The following NR2F1-AS1 variants were observed in gnomAD, a reference collection of about 807,000 sequenced individuals.
NR2F1-AS1 encodes the protein NR2F1 antisense RNA 1.
intron 4 of NR2F1-AS1, among the ~76,000 whole-genome samples, chr5:93,506,393 C>T (rs746644147): frequency 5.9e-5 from 9 of 152,198 alleles, no homozygotes; most frequent in Non-Finnish European, 1.2e-4. Context: ...TTTCCAAAGT[C>T]GCTTCCACAT....
chr5:93,510,343 A>G (rs1347571770), intron 4 of NR2F1-AS1, among the ~76,000 whole-genome samples: 1 of 152,132 alleles, frequency 6.6e-6, no homozygotes, highest in Admixed American at 6.5e-5. Flanking sequence ...TGCATATGTA[A>G]TAAGTTATTT....
chr5:93,464,699 T>C (rs1369544433), intron 4 of NR2F1-AS1, among the ~76,000 whole-genome samples: 3 of 152,206 alleles, frequency 2.0e-5, no homozygotes, highest in East Asian at 1.9e-4. Context: ...CAGGTTTTTT[T>C]CTCCTGAAAA....
chr5:93,431,351 T>A (rs1749317955), intron 4 of NR2F1-AS1, among the ~76,000 whole-genome samples: 1 of 152,172 alleles, frequency 6.6e-6, no homozygotes, highest in Admixed American at 6.5e-5. Flanking sequence ...TATATCTTAG[T>A]CACAGACACA....
chr5:93,518,448 AC>A (rs1404414549), intron 4 of NR2F1-AS1, among the ~76,000 whole-genome samples: 2 of 152,024 alleles, frequency 1.3e-5, no homozygotes, highest in Non-Finnish European at 2.9e-5. Context: ...TCTTTCAATA[AC>A]CCTTTCAGGG....
chr5:93,427,622 T>C (rs1411256443), intron 4 of NR2F1-AS1, among the ~76,000 whole-genome samples: 1 of 152,166 alleles, frequency 6.6e-6, no homozygotes, highest in Non-Finnish European at 1.5e-5. Flanking sequence ...TAATTGTTAA[T>C]TCATGGCTGA....
chr5:93,518,345 T>C (rs1019662742), intron 4 of NR2F1-AS1, among the ~76,000 whole-genome samples: 1 of 152,124 alleles, frequency 6.6e-6, no homozygotes, highest in Non-Finnish European at 1.5e-5. Context: ...GGTCTTACAA[T>C]TGGTAGTGTA....
intron 4 of NR2F1-AS1, among the ~76,000 whole-genome samples, chr5:93,509,222 G>C (rs1049287306): frequency 6.6e-6 from 1 of 152,024 alleles, no homozygotes; most frequent in Non-Finnish European, 1.5e-5. Context: ...ACAAGCTCCA[G>C]AATGTGTACA....
chr5:93,489,242 A>T (rs192796298), intron 4 of NR2F1-AS1, among the ~76,000 whole-genome samples: 3,840 of 143,056 alleles, frequency 0.027, 78 homozygotes, highest in South Asian at 0.058. Context: ...AGTATAATTT[A>T]AAAAAAAAAA....
chr5:93,581,728 CTCT>C (rs1753054242), upstream of NR2F1-AS1, among the ~76,000 whole-genome samples: 1 of 60,462 alleles, frequency 1.7e-5, no homozygotes, highest in African/African-American at 9.7e-5. Context: ...CTCTCTCTCT[CTCT>C]CTCCCCCTCT....
chr5:93,439,612 T>A (rs1302717609), intron 4 of NR2F1-AS1, among the ~76,000 whole-genome samples: 2 of 152,170 alleles, frequency 1.3e-5, no homozygotes, highest in East Asian at 3.9e-4. Context: ...TCTTTTAAAA[T>A]GTCTGATGTT....
intron 4 of NR2F1-AS1, among the ~76,000 whole-genome samples, chr5:93,524,793 A>G (rs1015196517): frequency 2.6e-5 from 4 of 152,188 alleles, no homozygotes; most frequent in Admixed American, 2.0e-4. Flanking sequence ...AATCCTTTAC[A>G]GACAAGCAAA....
At chr5:93,461,071 A>C (rs974982082) in intron 4 of NR2F1-AS1, among the ~76,000 whole-genome samples, 1 of 152,226 alleles carries the variant, frequency 6.6e-6, no homozygotes, top group Non-Finnish European at 1.5e-5. Flanking sequence ...TAGCAAAGAC[A>C]TGCAATCAAC....
At position 93,429,791 on chromosome 5, in the gene NR2F1-AS1, T is replaced by C. The variant is rs73133219; in HGVS notation, n.639-34249A>G. On this transcript the variant is annotated intron_variant and non_coding_transcript_variant, in intron 4 of 5. Coordinates refer to ENST00000660523, the Ensembl canonical transcript of NR2F1-AS1. ...TTTCAACCCTATTCATTCTGGGAAT[T>C]TTCTATCATCTCTGTTCCATTTGGA... Among the ~76,000 whole-genome samples the C allele has an allele frequency of 2.1e-3, 317 of 152,284 alleles. 2 individuals carry two copies. The highest frequency in any genetic ancestry group is 7.1e-3 in the African/African-American group (295 of 41,564).
intron 4 of NR2F1-AS1, chr5:93,410,975 ATTTTG>A (rs1160258113): frequency 6.6e-6 from 1 of 152,044 alleles, no homozygotes; most frequent in Non-Finnish European, 1.5e-5. Flanking sequence ...GTTTTTTTGG[ATTTTG>A]TTTTGTTTTT....
At chr5:93,566,710 C>T (rs1337733968) in intron 1 of NR2F1-AS1, among the ~76,000 whole-genome samples, 3 of 151,866 alleles carry the variant, frequency 2.0e-5, no homozygotes, top group Non-Finnish European at 4.4e-5. Flanking sequence ...AAAAAACAGT[C>T]TATATTCTCA....
At chr5:93,548,754 C>A (rs978240841) in intron 4 of NR2F1-AS1, among the ~76,000 whole-genome samples, 1 of 151,942 alleles carries the variant, frequency 6.6e-6, no homozygotes, top group African/African-American at 2.4e-5. Flanking sequence ...GCCTGTAATC[C>A]CAGCTACTTG....
intron 4 of NR2F1-AS1, among the ~76,000 whole-genome samples, chr5:93,431,800 G>A (rs902094369): frequency 2.0e-5 from 3 of 152,108 alleles, no homozygotes; most frequent in Non-Finnish European, 2.9e-5. Flanking sequence ...CTTACTTAAA[G>A]TATCTCTCAA....
intron 4 of NR2F1-AS1, among the ~76,000 whole-genome samples, chr5:93,549,617 T>C (rs1752176901): frequency 6.6e-6 from 1 of 152,186 alleles, no homozygotes; most frequent in African/African-American, 2.4e-5. Flanking sequence ...TACATTCCCA[T>C]GCATGAGAAT....
chr5:93,512,224 G>A (rs1751312983), intron 4 of NR2F1-AS1, among the ~76,000 whole-genome samples: 1 of 152,082 alleles, frequency 6.6e-6, no homozygotes, highest in African/African-American at 2.4e-5. Context: ...CCATGGGTAG[G>A]ACTAGGCTAA....
Sources: gnomAD v4.1 joint callset for allele counts (sites outside exome capture counted in the v4.1 genomes callset) on GRCh38, gnomAD v4.1.1 for gene constraint, MANE v1.5 for transcripts, NCBI Gene and HGNC (gene_info 2026-07-23, HGNC 2026-07-21) for gene names.